Variants in MIR2052HG observed in about 807,000 individuals in gnomAD.
The protein encoded by MIR2052HG is MIR2052 host gene.
intron 2 of MIR2052HG, among the ~76,000 whole-genome samples, chr8:74,683,648 T>G (rs1450006858): frequency 6.6e-6 from 1 of 152,142 alleles, no homozygotes; most frequent in Non-Finnish European, 1.5e-5. Flanking sequence ...GGTGCCATTC[T>G]TTGTATCTTA....
intron 4 of MIR2052HG, among the ~76,000 whole-genome samples, chr8:74,722,608 T>C (rs1809590558): frequency 6.6e-6 from 1 of 152,248 alleles, no homozygotes; most frequent in Non-Finnish European, 1.5e-5. Context: ...TTCTTTGGTA[T>C]ACAAGTCTCT....
chr8:74,689,728 G>A (rs948826175), intron 2 of MIR2052HG, among the ~76,000 whole-genome samples: 2 of 152,160 alleles, frequency 1.3e-5, no homozygotes, highest in Non-Finnish European at 2.9e-5. Flanking sequence ...TTTCCACCTA[G>A]TAGAAGAAAC....
intron 2 of MIR2052HG, among the ~76,000 whole-genome samples, chr8:74,652,273 A>G (rs1808761458): frequency 6.6e-6 from 1 of 152,182 alleles, no homozygotes; most frequent in East Asian, 1.9e-4. Context: ...ATGTGGCCAT[A>G]TGACTTACTC....
At chr8:74,610,627 C>A (rs553105325) in intron 1 of MIR2052HG, among the ~76,000 whole-genome samples, 3 of 151,724 alleles carry the variant, frequency 2.0e-5, no homozygotes, top group Non-Finnish European at 4.4e-5. Flanking sequence ...ATAATCAAAG[C>A]AGTATGATAT....
intron 2 of MIR2052HG, among the ~76,000 whole-genome samples, chr8:74,617,456 G>GGT (rs61474557): frequency 0.011 from 1,608 of 147,376 alleles, 7 homozygotes; most frequent in African/African-American, 0.018. Context: ...TATTCCATTG[G>GGT]GTGTGTGTGT....
chr8:74,643,199 G>A (rs1269686059), intron 2 of MIR2052HG, among the ~76,000 whole-genome samples: 2 of 152,174 alleles, frequency 1.3e-5, no homozygotes, highest in African/African-American at 2.4e-5. Flanking sequence ...TTCAAAAGGC[G>A]AATTATTCTT....
chr8:74,683,979 C>T (rs1408554135), intron 2 of MIR2052HG, among the ~76,000 whole-genome samples: 1 of 152,020 alleles, frequency 6.6e-6, no homozygotes, highest in Non-Finnish European at 1.5e-5. Context: ...TGGAAATGTG[C>T]AGGCCTTCAT....
intron 5 of MIR2052HG, among the ~76,000 whole-genome samples, chr8:74,755,052 G>A (rs1168993940): frequency 6.6e-6 from 1 of 152,166 alleles, no homozygotes; most frequent in Admixed American, 6.6e-5. Flanking sequence ...GGGACCCACA[G>A]CTGAATCAGC....
chr8:74,653,538 T>C (rs1392193264), intron 2 of MIR2052HG, among the ~76,000 whole-genome samples: 3 of 152,186 alleles, frequency 2.0e-5, no homozygotes, highest in African/African-American at 7.2e-5. Flanking sequence ...GCAATGTAAA[T>C]AAAAGTTCTA....
At chr8:74,684,215 T>C (rs1025863505) in intron 2 of MIR2052HG, among the ~76,000 whole-genome samples, 1 of 152,018 alleles carries the variant, frequency 6.6e-6, no homozygotes, top group Non-Finnish European at 1.5e-5. Flanking sequence ...TGGCAAGCAT[T>C]TGGTTTTGTC....
intron 2 of MIR2052HG, among the ~76,000 whole-genome samples, chr8:74,623,111 T>C (rs1056225793): frequency 3.9e-5 from 6 of 152,242 alleles, no homozygotes; most frequent in Admixed American, 3.3e-4. Flanking sequence ...ACCTAGTGTA[T>C]ATCTGAAAAT....
At chr8:74,687,528 C>T (rs945316183) in intron 2 of MIR2052HG, among the ~76,000 whole-genome samples, 1 of 151,994 alleles carries the variant, frequency 6.6e-6, no homozygotes, top group Non-Finnish European at 1.5e-5. Flanking sequence ...GAAGGGAATC[C>T]TGCCATCTGT....
At chr8:74,606,701 G>A (rs1336535742) in intron 1 of MIR2052HG, among the ~76,000 whole-genome samples, 1 of 152,142 alleles carries the variant, frequency 6.6e-6, no homozygotes, top group Non-Finnish European at 1.5e-5. Flanking sequence ...GGTGGAAGAA[G>A]GGAAAGGATC....
At chr8:74,612,107 A>G (rs1808206176) in intron 1 of MIR2052HG, among the ~76,000 whole-genome samples, 1 of 152,224 alleles carries the variant, frequency 6.6e-6, no homozygotes, top group Non-Finnish European at 1.5e-5. Flanking sequence ...CAGTGGCCGC[A>G]TGACACCTTG....
At chr8:74,698,915 G>A (rs1056946574) in intron 2 of MIR2052HG, among the ~76,000 whole-genome samples, 2 of 151,836 alleles carry the variant, frequency 1.3e-5, no homozygotes, top group African/African-American at 4.8e-5. Context: ...AAAATAAAAT[G>A]AAACATAAAA....
At chr8:74,685,786 G>A (rs1809174697) in intron 2 of MIR2052HG, among the ~76,000 whole-genome samples, 1 of 151,994 alleles carries the variant, frequency 6.6e-6, no homozygotes, top group Admixed American at 6.6e-5. Context: ...TGTAATCAAA[G>A]TCAAACAAAC....
chr8:74,693,986 T>A (rs909842385), intron 2 of MIR2052HG, among the ~76,000 whole-genome samples: 1 of 152,060 alleles, frequency 6.6e-6, no homozygotes, highest in Non-Finnish European at 1.5e-5. Flanking sequence ...CAATCTTGTG[T>A]CCTCCCTATA....
At chr8:74,750,419 CAT>C (rs1301892954) in intron 4 of MIR2052HG, among the ~76,000 whole-genome samples, 11 of 152,112 alleles carry the variant, frequency 7.2e-5, no homozygotes, top group African/African-American at 2.7e-4. Context: ...GTGTAGTAAT[CAT>C]AGATTTTACA....
intron 2 of MIR2052HG, among the ~76,000 whole-genome samples, chr8:74,667,570 C>T (rs1357860152): frequency 6.6e-6 from 1 of 152,112 alleles, no homozygotes; most frequent in African/African-American, 2.4e-5. Context: ...TCTTTTGCCT[C>T]ACACATGCTA....
Sources: allele counts gnomAD v4.1 joint callset (sites outside exome capture counted in the v4.1 genomes callset), GRCh38; gene constraint gnomAD v4.1.1; transcripts MANE v1.5; gene names NCBI Gene and HGNC (gene_info 2026-07-23, HGNC 2026-07-21).